The following RIMS2 variants were observed in gnomAD, a reference collection of about 807,000 sequenced individuals.
RIMS2 encodes regulating synaptic membrane exocytosis protein 2.
RIMS2 carries 59 observed loss-of-function variants against 174.4 expected under a neutral mutation model. The observed-to-expected ratio is 0.34, with a 90% confidence interval of 0.27 to 0.42. The LOEUF (loss-of-function observed/expected upper bound fraction) is 0.42. Ranked by LOEUF, RIMS2 falls within the 10% of genes least tolerant of loss-of-function variation. The pLI is 1.00. For synonymous variants in RIMS2, 606 were observed against 572.5 expected (o/e 1.06, Z -0.84); for missense variants, 1,620 against 1,666.3 (o/e 0.97, Z 0.48).
exon 23 of RIMS2, chr8:104,251,041 T>G (rs1294296375): frequency 6.2e-7 from 1 of 1,613,448 alleles, no homozygotes. Flanking sequence ...TGTAAAAGTG[T>G]ATCTATTAGA....
intron 1 of RIMS2, among the ~76,000 whole-genome samples, chr8:103,522,989 G>C (rs1159876988): frequency 1.3e-5 from 2 of 152,034 alleles, no homozygotes; most frequent in Non-Finnish European, 2.9e-5. Flanking sequence ...ACAATGACAG[G>C]GAATTTTAGA....
chr8:103,875,823 A>G, intron 3 of RIMS2, among the ~76,000 whole-genome samples: 1 of 152,060 alleles, frequency 6.6e-6, no homozygotes, highest in East Asian at 1.9e-4. Context: ...GTAAGATGGT[A>G]TCTCACTGTG....
chr8:104,210,429 T>A (rs1432077115), intron 19 of RIMS2, among the ~76,000 whole-genome samples: 2 of 152,204 alleles, frequency 1.3e-5, no homozygotes, highest in Non-Finnish European at 2.9e-5. Flanking sequence ...CTTCTGTACT[T>A]TGGAATTTCA....
At chr8:103,831,501 C>T (rs960653394) in intron 3 of RIMS2, among the ~76,000 whole-genome samples, 8 of 152,190 alleles carry the variant, frequency 5.3e-5, no homozygotes, top group African/African-American at 1.9e-4. Context: ...TCACTGAGCA[C>T]TGACCTCGGC....
At chr8:103,579,113 CT>C (rs550646534) in intron 1 of RIMS2, among the ~76,000 whole-genome samples, 11 of 152,066 alleles carry the variant, frequency 7.2e-5, no homozygotes, top group African/African-American at 2.7e-4. Context: ...GGAAGAAATA[CT>C]TAAAGGTGCC....
intron 19 of RIMS2, among the ~76,000 whole-genome samples, chr8:104,103,762 C>T (rs74579650): frequency 0.013 from 1,948 of 152,020 alleles, 50 homozygotes; most frequent in African/African-American, 0.045. Flanking sequence ...TGTGAACTGG[C>T]TACATATTGA....
At position 103,766,765 on chromosome 8, in the gene RIMS2, C is replaced by A. The variant is rs565553289; in HGVS notation, c.698+228C>A. On this transcript the variant is annotated intron_variant, in intron 3 of 23. Transcript: ENST00000504942. ...TTAGGTTATCAGATAGATTTCCCAG[C>A]ATAAAGAAGTGAAATAAAACAGGGA... is the stretch of plus-strand genomic sequence containing the variant. Among the ~76,000 whole-genome samples the A allele has an allele frequency of 3.6e-4, 55 of 152,194 alleles. 1 individual carries two copies. The highest frequency in any genetic ancestry group is 1.2e-3 in the African/African-American group (51 of 41,518).
intron 3 of RIMS2, among the ~76,000 whole-genome samples, chr8:103,795,055 T>C (rs1233178333): frequency 5.3e-5 from 8 of 152,312 alleles, no homozygotes; most frequent in African/African-American, 1.9e-4. Context: ...GAACTAGAAA[T>C]ACCATTTGAC....
chr8:103,774,301 A>G (rs540533051), intron 3 of RIMS2, among the ~76,000 whole-genome samples: 1 of 152,328 alleles, frequency 6.6e-6, no homozygotes, highest in Admixed American at 6.5e-5. Flanking sequence ...TACTTTCCCA[A>G]TGACACAGCA....
chr8:103,972,398 C>T (rs979298677), intron 15 of RIMS2, among the ~76,000 whole-genome samples: 1 of 152,000 alleles, frequency 6.6e-6, no homozygotes, highest in East Asian at 1.9e-4. Context: ...TGTTATTATC[C>T]TAGTTAAAGC....
At chr8:103,610,331 A>T (rs574450012) in intron 1 of RIMS2, among the ~76,000 whole-genome samples, 2 of 152,060 alleles carry the variant, frequency 1.3e-5, no homozygotes, top group Admixed American at 6.6e-5. Flanking sequence ...TTTCTTTTTC[A>T]TGTCTCATTG....
At chr8:104,144,732 T>C (rs1011856415) in intron 19 of RIMS2, among the ~76,000 whole-genome samples, 2 of 152,194 alleles carry the variant, frequency 1.3e-5, no homozygotes, top group East Asian at 1.9e-4. Context: ...TTATTTTTCT[T>C]CATATCTCTT....
intron 19 of RIMS2, among the ~76,000 whole-genome samples, chr8:104,197,364 A>G (rs1414587640): frequency 6.6e-6 from 1 of 151,964 alleles, no homozygotes; most frequent in Non-Finnish European, 1.5e-5. Flanking sequence ...TTTAGTAGAG[A>G]TGGGGTTTCA....
intron 1 of RIMS2, among the ~76,000 whole-genome samples, chr8:103,534,205 A>G (rs1271930664): frequency 6.6e-6 from 1 of 152,230 alleles, no homozygotes. Flanking sequence ...AGTCATTTCA[A>G]TGACAATGTT....
At chr8:103,587,019 C>A (rs550891350) in intron 1 of RIMS2, among the ~76,000 whole-genome samples, 12 of 151,968 alleles carry the variant, frequency 7.9e-5, no homozygotes, top group East Asian at 1.9e-4. Context: ...ATTTTCCAAT[C>A]AAAAGTATTG....
intron 19 of RIMS2, among the ~76,000 whole-genome samples, chr8:104,104,368 G>A (rs1460336587): frequency 6.6e-6 from 1 of 152,186 alleles, no homozygotes; most frequent in Admixed American, 6.5e-5. Context: ...TAGGTAAAGT[G>A]TAGAAACAGT....
At chr8:104,112,151 A>G (rs1169285830) in intron 19 of RIMS2, among the ~76,000 whole-genome samples, 1 of 152,182 alleles carries the variant, frequency 6.6e-6, no homozygotes, top group African/African-American at 2.4e-5. Context: ...ATTCCCTTAT[A>G]TTTGTCAAAT....
intron 1 of RIMS2, among the ~76,000 whole-genome samples, chr8:103,517,735 C>T (rs955200903): frequency 2.0e-5 from 3 of 152,072 alleles, no homozygotes; most frequent in African/African-American, 7.2e-5. Flanking sequence ...GGCTGCAGTG[C>T]AAGTGGTTTT....
At chr8:104,229,560 G>T (rs1226446549) in intron 19 of RIMS2, among the ~76,000 whole-genome samples, 1 of 152,134 alleles carries the variant, frequency 6.6e-6, no homozygotes, top group Non-Finnish European at 1.5e-5. Context: ...GAGCCAGAAG[G>T]CTGTTAGGAA....
Sources: gnomAD v4.1 joint callset for allele counts (sites outside exome capture counted in the v4.1 genomes callset) on GRCh38, gnomAD v4.1.1 for gene constraint, MANE v1.5 for transcripts, NCBI Gene and HGNC (gene_info 2026-07-23, HGNC 2026-07-21) for gene names.